The following STXBP4 variants were observed in gnomAD, a reference collection of about 807,000 sequenced individuals.
STXBP4 encodes syntaxin binding protein 4, also known as syntaxin-binding protein 4.
Under a neutral mutation model 76.1 loss-of-function variants are expected in STXBP4, and 55 were observed. The observed-to-expected ratio is 0.72, with a 90% CI of 0.58 to 0.91. The LOEUF is 0.91. Ranked by LOEUF, STXBP4 falls within the 40% of genes least tolerant of loss-of-function variation. The pLI is 0.00. For missense variants in STXBP4, 618 were observed against 636.9 expected (o/e 0.97, Z 0.32); for synonymous variants, 201 against 220.2 (o/e 0.91, Z 0.77).
the STXBP4 span, among the ~76,000 whole-genome samples, chr17:55,190,671 A>T: frequency 2.6e-5 from 4 of 152,318 alleles, no homozygotes; most frequent in Admixed American, 2.0e-4. Context: ...GGGAGATAAT[A>T]AGCATGCCAA....
At chr17:55,008,102 C>A (rs1288359220) in intron 8 of STXBP4, among the ~76,000 whole-genome samples, 1 of 151,822 alleles carries the variant, frequency 6.6e-6, no homozygotes, top group Non-Finnish European at 1.5e-5. Context: ...AACATTGAGA[C>A]TCTCATGTAA....
intron 16 of STXBP4, among the ~76,000 whole-genome samples, chr17:55,088,993 G>A (rs1432524593): frequency 6.6e-6 from 1 of 152,200 alleles, no homozygotes; most frequent in Non-Finnish European, 1.5e-5. Flanking sequence ...CAGAATCTCT[G>A]ATGTTCCTTA....
chr17:55,085,519 T>C (rs1331675702), intron 16 of STXBP4, among the ~76,000 whole-genome samples: 1 of 152,018 alleles, frequency 6.6e-6, no homozygotes, highest in African/African-American at 2.4e-5. Flanking sequence ...TCACCCTACC[T>C]GCTAGTTGTC....
chr17:55,176,311 T>G (rs2080430683), downstream of STXBP4, among the ~76,000 whole-genome samples: 1 of 151,964 alleles, frequency 6.6e-6, no homozygotes. Flanking sequence ...AAGTTATGCC[T>G]CAACAGAAAT....
chr17:55,072,990 A>ATT lies in STXBP4; in HGVS notation c.1103_1104insTT (p.Met368IlefsTer7), dbSNP rs1278966925. 6.2e-7 allele frequency: 1 copy of ATT among 1,614,052 alleles called. No homozygotes were observed. The highest frequency in any genetic ancestry group is 8.5e-7 in the Non-Finnish European group (1 of 1,179,944). On this transcript the variant is annotated frameshift_variant, in exon 13 of 18. Transcript: ENST00000376352. LOFTEE classifies it high-confidence loss of function. ...TCAGAGACAGGCACATGGAATGGAAATGGACTATGAAGAAGTGATCCGTCT... is the reference window on the plus strand; with the variant it reads ...TCAGAGACAGGCACATGGAATGGAAATTTGGACTATGAAGAAGTGATCCGTCT...
At chr17:55,116,936 C>A (rs767912220) in intron 16 of STXBP4, among the ~76,000 whole-genome samples, 1 of 151,636 alleles carries the variant, frequency 6.6e-6, no homozygotes, top group Non-Finnish European at 1.5e-5. Flanking sequence ...TTTAATGAAC[C>A]TTTTATTAAT....
At chr17:55,193,080 A>T in the STXBP4 span, among the ~76,000 whole-genome samples, 1 of 152,192 alleles carries the variant, frequency 6.6e-6, no homozygotes. Flanking sequence ...TGGAGCACTC[A>T]TGAAAGCTAC....
chr17:55,126,975 G>A (rs1392162673), intron 16 of STXBP4, among the ~76,000 whole-genome samples: 3 of 152,092 alleles, frequency 2.0e-5, no homozygotes, highest in Non-Finnish European at 4.4e-5. Context: ...ACTGGTTCAG[G>A]ATATTTCCCC....
chr17:54,983,839 T>C (rs2077585096), intron 1 of STXBP4, among the ~76,000 whole-genome samples: 1 of 152,220 alleles, frequency 6.6e-6, no homozygotes. Flanking sequence ...CTCTCTTCCA[T>C]GACTATATCA....
At chr17:55,048,389 A>G (rs1464542325) in intron 12 of STXBP4, among the ~76,000 whole-genome samples, 1 of 151,916 alleles carries the variant, frequency 6.6e-6, no homozygotes, top group Non-Finnish European at 1.5e-5. Context: ...ATAAAAAAGT[A>G]TAGAACAAAA....
intron 16 of STXBP4, among the ~76,000 whole-genome samples, chr17:55,095,772 A>G (rs984480116): frequency 6.6e-6 from 1 of 152,194 alleles, no homozygotes. Flanking sequence ...CTATATGGAA[A>G]GATCAAAGCT....
intron 12 of STXBP4, among the ~76,000 whole-genome samples, chr17:55,051,732 G>A (rs948753489): frequency 3.9e-5 from 6 of 152,028 alleles, no homozygotes; most frequent in African/African-American, 1.2e-4. Context: ...TCCAGCCTGG[G>A]CAACATAGTG....
At chr17:55,043,897 G>A (rs1891527906) in intron 11 of STXBP4, 1 of 432,396 alleles carries the variant, frequency 2.3e-6, no homozygotes, top group Admixed American at 4.1e-5. Flanking sequence ...CGCCCAGGCT[G>A]GAGTGCAATA....
intron 17 of STXBP4, among the ~76,000 whole-genome samples, chr17:55,144,982 T>C (rs2080136527): frequency 6.6e-6 from 1 of 152,220 alleles, no homozygotes; most frequent in African/African-American, 2.4e-5. Flanking sequence ...GAGCCTATCA[T>C]AGCACCTGGC....
At chr17:55,038,094 G>T (rs2078635730) in intron 10 of STXBP4, among the ~76,000 whole-genome samples, 1 of 152,044 alleles carries the variant, frequency 6.6e-6, no homozygotes, top group African/African-American at 2.4e-5. Context: ...GGGTCATTCT[G>T]TTAGGCATGT....
At chr17:55,199,154 G>A in the STXBP4 span, among the ~76,000 whole-genome samples, 2 of 152,332 alleles carry the variant, frequency 1.3e-5, no homozygotes, top group African/African-American at 2.4e-5. Flanking sequence ...GTCTACATCT[G>A]CTGCTGGTTA....
chr17:54,974,164 C>G (rs1484273818), intron 1 of STXBP4, among the ~76,000 whole-genome samples: 1 of 152,186 alleles, frequency 6.6e-6, no homozygotes, highest in South Asian at 2.1e-4. Context: ...GCTCCTGAAT[C>G]CATTTAACGA....
intron 17 of STXBP4, among the ~76,000 whole-genome samples, chr17:55,148,358 T>G (rs1470097565): frequency 6.6e-6 from 1 of 152,196 alleles, no homozygotes; most frequent in Non-Finnish European, 1.5e-5. Context: ...TTTTAAATTA[T>G]CGTTTCTTAG....
At chr17:54,997,447 C>T (rs2144465339) in intron 4 of STXBP4, among the ~76,000 whole-genome samples, 1 of 151,138 alleles carries the variant, frequency 6.6e-6, no homozygotes, top group East Asian at 1.9e-4. Flanking sequence ...TCTGTACTAA[C>T]ACTGCATGTT....
Sources: gnomAD v4.1 joint callset for allele counts (sites outside exome capture counted in the v4.1 genomes callset) on GRCh38, gnomAD v4.1.1 for gene constraint, MANE v1.5 for transcripts, NCBI Gene and HGNC (gene_info 2026-07-23, HGNC 2026-07-21) for gene names.